Variants in XYLT1 observed in about 807,000 individuals in gnomAD.
XYLT1 encodes the protein xylosyltransferase 1.
A neutral mutation model predicts 91.3 loss-of-function variants in XYLT1; 36 were observed. The observed-to-expected ratio is 0.39, with a 90% CI of 0.30 to 0.52. XYLT1 has a LOEUF of 0.52. Ranked by LOEUF, XYLT1 falls within the 20% of genes least tolerant of loss-of-function variation. The pLI, the probability that XYLT1 is intolerant of heterozygous loss-of-function variation, is 0.68. For missense variants in XYLT1, 1,242 were observed against 1,284.5 expected, an observed-to-expected ratio of 0.97 and a Z score of 0.51; for synonymous variants, 588 against 532.0, an observed-to-expected ratio of 1.11 and a Z score of -1.45.
At chr16:17,336,034 G>C (rs62030297) in intron 2 of XYLT1, among the ~76,000 whole-genome samples, 12,755 of 152,160 alleles carry the variant, frequency 0.084, 533 homozygotes, top group Non-Finnish European at 0.1. Context: ...GCTTTGCCTG[G>C]CTGGCTGGCA....
chr16:17,317,947 A>G (rs1227384327), intron 2 of XYLT1, among the ~76,000 whole-genome samples: 1 of 152,130 alleles, frequency 6.6e-6, no homozygotes, highest in African/African-American at 2.4e-5. Flanking sequence ...GTTTATTCCC[A>G]TTGCTCAATG....
chr16:17,264,185 T>A (rs1047777887), intron 2 of XYLT1, among the ~76,000 whole-genome samples: 5 of 152,196 alleles, frequency 3.3e-5, no homozygotes, highest in Non-Finnish European at 7.3e-5. Context: ...TGTGCATGCA[T>A]GATTGAGATG....
chr16:17,141,436 A>G, intron 6 of XYLT1, 67 bp from the exon 7 acceptor site: 1 of 1,492,206 alleles, frequency 6.7e-7, no homozygotes, highest in Non-Finnish European at 9.2e-7. Flanking sequence ...CCAGAGTCCA[A>G]ATAAAACAAC....
intron 1 of XYLT1, among the ~76,000 whole-genome samples, chr16:17,411,211 T>C (rs2036102961): frequency 6.6e-6 from 1 of 152,238 alleles, no homozygotes; most frequent in Admixed American, 6.5e-5. Flanking sequence ...AACCAAGGAC[T>C]GAACATAGTA....
intron 7 of XYLT1, 41 bp from the exon 8 acceptor site, chr16:17,138,572 C>CCTCCCACAGATGAACT: frequency 5.6e-6 from 9 of 1,595,502 alleles, no homozygotes; most frequent in Non-Finnish European, 7.7e-6. Context: ...CCTCTCCCAG[C>CCTCCCACAGATGAACT]CTCCCACAGA....
At chr16:17,173,544 G>A (rs746842414) in intron 5 of XYLT1, among the ~76,000 whole-genome samples, 19 of 152,258 alleles carry the variant, frequency 1.2e-4, no homozygotes, top group Non-Finnish European at 2.5e-4. Flanking sequence ...AGCAAGGCTT[G>A]GCTAGCGCCA....
intron 5 of XYLT1, among the ~76,000 whole-genome samples, chr16:17,189,411 G>A (rs2032259747): frequency 6.6e-6 from 1 of 152,196 alleles, no homozygotes. Flanking sequence ...AGTCACCAGG[G>A]CTTGCTTAAC....
chr16:17,142,841 G>C (rs114783750), intron 6 of XYLT1, among the ~76,000 whole-genome samples: 2,241 of 152,194 alleles, frequency 0.015, 51 homozygotes, highest in African/African-American at 0.051. Context: ...TCCTACTGGT[G>C]ACCGAGTCAG....
chr16:17,462,590 G>A (rs1360056882), intron 1 of XYLT1, among the ~76,000 whole-genome samples: 1 of 152,194 alleles, frequency 6.6e-6, no homozygotes, highest in Non-Finnish European at 1.5e-5. Context: ...ACTCTCCAGT[G>A]TGCTGCAGAC....
In XYLT1 at chr16:17,332,293, G is replaced by C. The variant is rs144903527; in HGVS notation, c.402+25719C>G. 2.6e-4 allele frequency among the ~76,000 whole-genome samples: 39 copies of C among 152,310 alleles called. No homozygotes were observed. In the East Asian group the frequency reaches 6.6e-3, roughly 26 times the overall value. ...AAACACACACCAGGCTGGGTGTAGT[G>C]GCTCATGCCTATAATCCCAGCACTT... On this transcript the variant is annotated intron_variant, in intron 2 of 11. Transcript: ENST00000261381.
intron 1 of XYLT1, among the ~76,000 whole-genome samples, chr16:17,459,508 C>T (rs2036787376): frequency 6.6e-6 from 1 of 152,152 alleles, no homozygotes; most frequent in Non-Finnish European, 1.5e-5. Context: ...GGTGTCTATA[C>T]CATATTTTGG....
At chr16:17,395,957 A>T (rs2035880714) in intron 1 of XYLT1, among the ~76,000 whole-genome samples, 1 of 152,176 alleles carries the variant, frequency 6.6e-6, no homozygotes, top group Non-Finnish European at 1.5e-5. Flanking sequence ...CACGGCAGAG[A>T]GATGAAAGTT....
chr16:17,255,003 T>C (rs937619485), intron 3 of XYLT1, among the ~76,000 whole-genome samples: 9 of 146,572 alleles, frequency 6.1e-5, no homozygotes, highest in African/African-American at 2.3e-4. Flanking sequence ...TTTCTTTTTT[T>C]TTTTTTTTTT....
intron 1 of XYLT1, among the ~76,000 whole-genome samples, chr16:17,429,409 T>C (rs1215174299): frequency 6.6e-6 from 1 of 152,232 alleles, no homozygotes; most frequent in Non-Finnish European, 1.5e-5. Context: ...CAACGGCAAG[T>C]ATGTTGCTCT....
chr16:17,132,337 T>C (rs942732105), intron 9 of XYLT1, among the ~76,000 whole-genome samples: 2 of 152,094 alleles, frequency 1.3e-5, no homozygotes, highest in African/African-American at 4.8e-5. Flanking sequence ...TTAATAAGTG[T>C]CATAGAGGAG....
At chr16:17,375,753 T>A (rs977699683) in intron 1 of XYLT1, among the ~76,000 whole-genome samples, 1 of 152,146 alleles carries the variant, frequency 6.6e-6, no homozygotes, top group Non-Finnish European at 1.5e-5. Context: ...GGTGGATGGG[T>A]CTGCTGTTGG....
intron 5 of XYLT1, among the ~76,000 whole-genome samples, chr16:17,192,103 T>C (rs1162658825): frequency 1.9e-4 from 26 of 134,684 alleles, no homozygotes; most frequent in Admixed American, 1.0e-3. Flanking sequence ...TTTTTTTTTT[T>C]TTTTTTTTTT....
At chr16:17,308,079 T>C (rs543012917) in intron 2 of XYLT1, among the ~76,000 whole-genome samples, 1 of 152,182 alleles carries the variant, frequency 6.6e-6, no homozygotes, top group East Asian at 1.9e-4. Flanking sequence ...TTGGCATTTC[T>C]CAAGATCTAC....
intron 1 of XYLT1, among the ~76,000 whole-genome samples, chr16:17,463,357 T>C (rs2036845787): frequency 1.3e-5 from 2 of 151,380 alleles, no homozygotes; most frequent in African/African-American, 4.9e-5. Flanking sequence ...TATAAAGAAC[T>C]CAAACAACTC....
Sources: gnomAD v4.1 joint callset for allele counts (sites outside exome capture counted in the v4.1 genomes callset) on GRCh38, gnomAD v4.1.1 for gene constraint, MANE v1.5 for transcripts, NCBI Gene and HGNC (gene_info 2026-07-23, HGNC 2026-07-21) for gene names.